Variants in TEKT5 observed in about 807,000 individuals in gnomAD.
TEKT5 encodes the protein tektin-5.
Under a neutral mutation model 48.7 loss-of-function variants are expected in TEKT5, and 52 were observed. That is an observed-to-expected ratio of 1.07 (90% CI 0.86 to 1.35). TEKT5 has a LOEUF of 1.35. Among genes scored for constraint, TEKT5 ranks in the 40% most tolerant of loss-of-function variants. The probability of loss-of-function intolerance (pLI) is 0.00; values close to 1 mark genes in which losing one functional copy is unlikely to be tolerated. For missense variants in TEKT5, 831 were observed against 641.6 expected (o/e 1.30, Z -3.19); for synonymous variants, 318 against 267.6 (o/e 1.19, Z -1.84).
chr16:10,630,131 A>G (rs1187018410), intron 6 of TEKT5, among the ~76,000 whole-genome samples: 1 of 151,922 alleles, frequency 6.6e-6, no homozygotes, highest in Non-Finnish European at 1.5e-5. Context: ...ACAGGGTTTC[A>G]CCATGTTGCC....
At position 10,682,102 on chromosome 16, in the gene TEKT5, C is replaced by G. The variant is rs764380475; in HGVS notation, c.754G>C (p.Asp252His). ...NRDAQHVLER[D>H]LEDKSSAQCI... ...TGGGCCGAGCTTTTGTCTTCGAGGT[C>G]CCTCTCCAGCACGTGCTGAGCATCC... Residue 252 changes from aspartate (D) to histidine (H), a missense_variant, in exon 4 of 7, where the codon GAC becomes CAC. Physicochemically the swap from Asp to His is moderately conservative, Grantham distance 81 (BLOSUM62 -1). Transcript: ENST00000283025. The G allele has an allele frequency of 1.3e-5, 21 of 1,613,976 alleles. No homozygotes were observed. The highest frequency in any genetic ancestry group is 1.8e-5 in the Non-Finnish European group (21 of 1,180,006).
chr16:10,690,852 G>A, intron 1 of TEKT5: 1 of 902,190 alleles, frequency 1.1e-6, no homozygotes, highest in East Asian at 1.2e-4. Context: ...GGATGTCAAG[G>A]TCTGGATGTC....
At chr16:10,650,465 C>T (rs925232709) in intron 5 of TEKT5, among the ~76,000 whole-genome samples, 1 of 152,094 alleles carries the variant, frequency 6.6e-6, no homozygotes, top group Non-Finnish European at 1.5e-5. Flanking sequence ...TAGAACCTAT[C>T]GATGACTCAC....
chr16:10,652,714 CA>C (rs1898183827), intron 5 of TEKT5, among the ~76,000 whole-genome samples: 1 of 113,858 alleles, frequency 8.8e-6, no homozygotes, highest in South Asian at 3.2e-4. Context: ...CACACACACA[CA>C]CACACACACC....
chr16:10,667,730 A>G (rs1898482024), intron 5 of TEKT5, among the ~76,000 whole-genome samples: 1 of 152,186 alleles, frequency 6.6e-6, no homozygotes. Flanking sequence ...TAATCATTTA[A>G]TATTTTTCTT....
At chr16:10,679,825 A>C (rs956603911) in intron 4 of TEKT5, among the ~76,000 whole-genome samples, 5 of 152,176 alleles carry the variant, frequency 3.3e-5, no homozygotes, top group Non-Finnish European at 7.3e-5. Flanking sequence ...TGAACCCAGG[A>C]GATGGAGGCT....
chr16:10,679,119 GC>G (rs1191755995), intron 4 of TEKT5, among the ~76,000 whole-genome samples: 1 of 152,320 alleles, frequency 6.6e-6, no homozygotes, highest in South Asian at 2.1e-4. Context: ...CCCCAGGGTT[GC>G]TGAGTGTTTA....
chr16:10,666,121 G>A (rs1186417066), intron 5 of TEKT5, among the ~76,000 whole-genome samples: 2 of 152,132 alleles, frequency 1.3e-5, no homozygotes, highest in Admixed American at 6.5e-5. Flanking sequence ...ACCCATATAG[G>A]GGTGTGGATG....
intron 5 of TEKT5, among the ~76,000 whole-genome samples, chr16:10,668,674 C>G (rs983048909): frequency 6.6e-6 from 1 of 152,166 alleles, no homozygotes; most frequent in African/African-American, 2.4e-5. Context: ...CTAACAATGG[C>G]TGCTTGGGAG....
intron 5 of TEKT5, among the ~76,000 whole-genome samples, chr16:10,642,907 G>A (rs1449673191): frequency 6.6e-6 from 1 of 152,148 alleles, no homozygotes; most frequent in Admixed American, 6.5e-5. Context: ...GGAGGAATAA[G>A]TTCCAGTGTT....
intron 4 of TEKT5, among the ~76,000 whole-genome samples, chr16:10,679,898 A>G (rs1898714501): frequency 1.8e-5 from 1 of 54,746 alleles, no homozygotes; most frequent in South Asian, 8.9e-4. Context: ...ACTCGGTCTC[A>G]AATAAATAAA....
rs551295518 is a variant in TEKT5 at position 10,674,209 on chromosome 16, T to G, written c.1086+1750A>C. 1.6e-3 allele frequency among the ~76,000 whole-genome samples: 236 copies of G among 151,610 alleles called. 1 individual carries two copies. The highest frequency in any genetic ancestry group is 5.5e-3 in the African/African-American group (227 of 41,266). ...TCCCACCAACTTTTGGCCGCTCAACTCCCTGTTGATCTGTTCTCGGTGGCA... is the reference window on the plus strand; with the variant it reads ...TCCCACCAACTTTTGGCCGCTCAACGCCCTGTTGATCTGTTCTCGGTGGCA... On this transcript the variant is annotated intron_variant, in intron 5 of 6. Coordinates refer to ENST00000283025, the MANE Select transcript of TEKT5 (RefSeq NM_144674.2).
At chr16:10,666,103 TG>T (rs1898451553) in intron 5 of TEKT5, among the ~76,000 whole-genome samples, 1 of 152,138 alleles carries the variant, frequency 6.6e-6, no homozygotes, top group African/African-American at 2.4e-5. Flanking sequence ...CCGGGCATGG[TG>T]GTGTGCACCC....
At chr16:10,685,381 C>T (rs1295615826) in intron 3 of TEKT5, among the ~76,000 whole-genome samples, 1 of 152,168 alleles carries the variant, frequency 6.6e-6, no homozygotes, top group African/African-American at 2.4e-5. Context: ...CTCACTACAA[C>T]CTCCGCCTCT....
intron 5 of TEKT5, among the ~76,000 whole-genome samples, chr16:10,640,112 TCTTCCTCCTCCCCC>T (rs958494835): frequency 2.7e-5 from 2 of 73,894 alleles, no homozygotes; most frequent in East Asian, 6.5e-4. Context: ...CCTCCTCCCG[TCTTCCTCCTCCCCC>T]CTTCCTCCTC....
intron 5 of TEKT5, among the ~76,000 whole-genome samples, chr16:10,660,920 C>T (rs946090962): frequency 8.5e-5 from 13 of 152,078 alleles, no homozygotes; most frequent in Non-Finnish European, 1.8e-4. Context: ...AGGCTGGTCT[C>T]GAACTCCTGA....
chr16:10,684,395 CTTT>C (rs921465373), intron 3 of TEKT5, among the ~76,000 whole-genome samples: 1 of 141,786 alleles, frequency 7.1e-6, no homozygotes, highest in Non-Finnish European at 1.5e-5. Flanking sequence ...TCCCCTCCAT[CTTT>C]TTTTTTTTTT....
At chr16:10,660,958 C>A in intron 5 of TEKT5, among the ~76,000 whole-genome samples, 1 of 152,142 alleles carries the variant, frequency 6.6e-6, no homozygotes, top group Non-Finnish European at 1.5e-5. Context: ...ACCCTGGCCT[C>A]CCAAAGTGTT....
intron 3 of TEKT5, among the ~76,000 whole-genome samples, chr16:10,685,565 G>A (rs1310482810): frequency 6.6e-6 from 1 of 152,036 alleles, no homozygotes; most frequent in Non-Finnish European, 1.5e-5. Context: ...CCAAAGTGCT[G>A]GGATTACAGA....
Sources: allele counts gnomAD v4.1 joint callset (sites outside exome capture counted in the v4.1 genomes callset), GRCh38; gene constraint gnomAD v4.1.1; transcripts MANE v1.5; gene names NCBI Gene and HGNC (gene_info 2026-07-23, HGNC 2026-07-21).